The following SOBP variants were observed in gnomAD, a reference collection of about 807,000 sequenced individuals.
The protein encoded by SOBP is sine oculis binding protein homolog.
SOBP carries 4 observed loss-of-function variants against 53.6 expected under a neutral mutation model. The ratio of observed to expected loss-of-function variants is 0.07; its 90% CI spans 0.04 to 0.17. SOBP has a LOEUF of 0.17. Ranked by LOEUF, SOBP falls within the 10% of genes least tolerant of loss-of-function variation. The pLI is 1.00. For synonymous variants in SOBP, 584 were observed against 522.6 expected (o/e 1.12, Z -1.60); for missense variants, 1,088 against 1,204.7 (o/e 0.90, Z 1.43).
chr6:107,638,871 A>G (rs116220470), intron 6 of SOBP, among the ~76,000 whole-genome samples: 86 of 151,546 alleles, frequency 5.7e-4, no homozygotes, highest in African/African-American at 2.0e-3. Flanking sequence ...TGCCTTTTTC[A>G]TACTGTAGTA....
At chr6:107,624,086 G>A (rs150727138) in intron 5 of SOBP, among the ~76,000 whole-genome samples, 77 of 152,270 alleles carry the variant, frequency 5.1e-4, no homozygotes, top group African/African-American at 1.7e-3. Context: ...AAGACCTTGC[G>A]TAAGCATATG....
intron 4 of SOBP, among the ~76,000 whole-genome samples, chr6:107,561,881 T>C (rs934181433): frequency 6.6e-6 from 1 of 152,138 alleles, no homozygotes. Context: ...CAGAAAGAAA[T>C]AGATCCCTTG....
chr6:107,542,770 T>A (rs1784186524), intron 4 of SOBP, among the ~76,000 whole-genome samples: 1 of 152,124 alleles, frequency 6.6e-6, no homozygotes, highest in Non-Finnish European at 1.5e-5. Flanking sequence ...TGTTTTGTTT[T>A]TTTTTTGGGC....
chr6:107,514,938 G>A (rs1395743589), intron 3 of SOBP: 6 of 152,168 alleles, frequency 3.9e-5, no homozygotes, highest in Admixed American at 3.9e-4. Flanking sequence ...TACTGCTTGG[G>A]ACAAGTTTTA....
intron 5 of SOBP, among the ~76,000 whole-genome samples, chr6:107,595,489 G>A (rs540728824): frequency 4.6e-5 from 7 of 151,562 alleles, no homozygotes; most frequent in African/African-American, 1.7e-4. Flanking sequence ...TTAGCATATG[G>A]GAGTCAGTCA....
At chr6:107,602,583 A>G (rs960606579) in intron 5 of SOBP, among the ~76,000 whole-genome samples, 1 of 151,716 alleles carries the variant, frequency 6.6e-6, no homozygotes, top group African/African-American at 2.4e-5. Context: ...AAAAAAAAAA[A>G]AAAAGGAAAG....
At chr6:107,564,727 A>G (rs1448722665) in intron 4 of SOBP, among the ~76,000 whole-genome samples, 1 of 152,122 alleles carries the variant, frequency 6.6e-6, no homozygotes, top group Non-Finnish European at 1.5e-5. Flanking sequence ...CCGATACTTT[A>G]TTTTTCAACT....
At chr6:107,625,172 G>T (rs1052244384) in intron 5 of SOBP, among the ~76,000 whole-genome samples, 1 of 152,174 alleles carries the variant, frequency 6.6e-6, no homozygotes, top group Non-Finnish European at 1.5e-5. Context: ...TGTTACTAGT[G>T]TATAATTTAT....
intron 6 of SOBP, among the ~76,000 whole-genome samples, chr6:107,657,040 G>A (rs1232351059): frequency 6.6e-6 from 1 of 152,232 alleles, no homozygotes; most frequent in African/African-American, 2.4e-5. Flanking sequence ...CCACTCATGT[G>A]ATCAAAGTGT....
intron 4 of SOBP, among the ~76,000 whole-genome samples, chr6:107,561,784 A>C (rs1031410099): frequency 2.0e-5 from 3 of 152,196 alleles, no homozygotes; most frequent in African/African-American, 7.2e-5. Flanking sequence ...GAGCCTTGAC[A>C]GCTGTCTAAG....
chr6:107,578,626 A>G (rs1293086945), intron 4 of SOBP, among the ~76,000 whole-genome samples: 4 of 152,218 alleles, frequency 2.6e-5, no homozygotes, highest in Admixed American at 2.6e-4. Context: ...TGATATATGT[A>G]TGAGTGTGTG....
intron 4 of SOBP, among the ~76,000 whole-genome samples, chr6:107,582,442 A>G (rs1163109071): frequency 1.3e-5 from 2 of 152,170 alleles, no homozygotes; most frequent in Admixed American, 1.3e-4. Flanking sequence ...TTCTCATATC[A>G]TCTAATATTT....
At chr6:107,508,941 G>A (rs1173380748) in intron 3 of SOBP, among the ~76,000 whole-genome samples, 2 of 152,172 alleles carry the variant, frequency 1.3e-5, no homozygotes, top group Non-Finnish European at 2.9e-5. Flanking sequence ...CAAGTACATG[G>A]GGTTCAGATT....
chr6:107,586,229 G>A (rs1012167079), intron 4 of SOBP, among the ~76,000 whole-genome samples: 3 of 152,192 alleles, frequency 2.0e-5, no homozygotes, highest in African/African-American at 7.2e-5. Context: ...AATTTCAGGA[G>A]GCCAGGAAAG....
intron 4 of SOBP, among the ~76,000 whole-genome samples, chr6:107,580,979 G>A (rs1426970054): frequency 1.3e-5 from 2 of 152,200 alleles, no homozygotes; most frequent in Non-Finnish European, 2.9e-5. Flanking sequence ...TGAATATCCA[G>A]CGATAGCGTT....
chr6:107,599,033 A>C (rs3823290), intron 5 of SOBP, among the ~76,000 whole-genome samples: 16,745 of 152,170 alleles, frequency 0.11, 1,075 homozygotes, highest in Admixed American at 0.18. Flanking sequence ...AGTAGGAACG[A>C]AAGATTCTTA....
Position 107,547,460 on chromosome 6 carries a change from T to C in SOBP, c.573+13850T>C, listed in dbSNP as rs534780401. Among the ~76,000 whole-genome samples, 3 of 152,376 alleles carry C rather than the reference T, an allele frequency of 2.0e-5. No homozygotes were observed. The East Asian group carries it at 5.8e-4, about 29-fold the overall frequency. On this transcript the variant is annotated intron_variant, in intron 4 of 6. Transcript: ENST00000317357. ...ACAGGAAATGTGTAGTTCATTCTTC[T>C]TGAACCTGATTTTTATAAAAGGCTA... is the stretch of plus-strand genomic sequence containing the variant.
At chr6:107,626,623 C>T (rs927904842) in intron 5 of SOBP, among the ~76,000 whole-genome samples, 2 of 152,172 alleles carry the variant, frequency 1.3e-5, no homozygotes, top group South Asian at 4.1e-4. Context: ...TAAATGTTCA[C>T]TTTTCAATGA....
intron 4 of SOBP, among the ~76,000 whole-genome samples, chr6:107,573,284 A>G (rs1785128844): frequency 1.3e-5 from 2 of 151,978 alleles, no homozygotes; most frequent in African/African-American, 4.8e-5. Context: ...AGTTGCATGC[A>G]ATTTAATTTT....
Sources: allele counts gnomAD v4.1 joint callset (sites outside exome capture counted in the v4.1 genomes callset), GRCh38; gene constraint gnomAD v4.1.1; transcripts MANE v1.5; gene names NCBI Gene and HGNC (gene_info 2026-07-23, HGNC 2026-07-21).